The following DPYD variants were observed in gnomAD, a reference collection of about 807,000 sequenced individuals.
The protein encoded by DPYD is dihydropyrimidine dehydrogenase.
DPYD carries 109 observed loss-of-function variants against 116.2 expected under a neutral mutation model. The ratio of observed to expected loss-of-function variants is 0.94; its 90% CI spans 0.80 to 1.10. The LOEUF (loss-of-function observed/expected upper bound fraction) is 1.10, where lower values mean the gene tolerates loss of function less well. Ranked by LOEUF, DPYD falls within the 50% of genes least tolerant of loss-of-function variation. The pLI, the probability that DPYD is intolerant of heterozygous loss-of-function variation, is 0.00. For synonymous variants in DPYD, 440 were observed against 432.0 expected, an observed-to-expected ratio of 1.02 and a Z score of -0.23; for missense variants, 1,302 against 1,254.5, an observed-to-expected ratio of 1.04 and a Z score of -0.57.
At chr1:97,581,148 G>C (rs368252895) in intron 10 of DPYD, among the ~76,000 whole-genome samples, 2 of 149,834 alleles carry the variant, frequency 1.3e-5, no homozygotes, top group Non-Finnish European at 3.0e-5. Flanking sequence ...TATTAAAAAT[G>C]CAACAACAAC....
intron 10 of DPYD, among the ~76,000 whole-genome samples, chr1:97,591,565 G>A (rs1189620698): frequency 6.6e-6 from 1 of 152,168 alleles, no homozygotes; most frequent in African/African-American, 2.4e-5. Context: ...ACCTAAGACA[G>A]AAGAAATAAC....
At chr1:97,114,418 A>G (rs960319172) in intron 20 of DPYD, among the ~76,000 whole-genome samples, 3 of 152,194 alleles carry the variant, frequency 2.0e-5, no homozygotes, top group Admixed American at 6.6e-5. Flanking sequence ...AGAAAATAGC[A>G]TAAGCAATAT....
At chr1:97,720,569 A>G (rs1662866368) in intron 5 of DPYD, 1 of 1,063,424 alleles carries the variant, frequency 9.4e-7, no homozygotes, top group Non-Finnish European at 1.1e-6. Flanking sequence ...CCTGTCAGAA[A>G]GCAGGAAGGG....
chr1:97,717,054 C>G (rs1662656004), intron 5 of DPYD, among the ~76,000 whole-genome samples: 1 of 151,920 alleles, frequency 6.6e-6, no homozygotes, highest in Non-Finnish European at 1.5e-5. Flanking sequence ...TCCAACACTT[C>G]AAGCATTTGT....
chr1:97,533,329 A>T (rs981459615), intron 12 of DPYD, among the ~76,000 whole-genome samples: 2 of 152,186 alleles, frequency 1.3e-5, no homozygotes, highest in African/African-American at 4.8e-5. Context: ...CATACAAACC[A>T]AAGAGTCTGT....
chr1:97,384,510 G>C (rs1570637903), intron 14 of DPYD, among the ~76,000 whole-genome samples: 1 of 152,126 alleles, frequency 6.6e-6, no homozygotes, highest in Non-Finnish European at 1.5e-5. Flanking sequence ...GAGGTCACCA[G>C]AGGTTTAGGA....
chr1:97,825,688 G>A (rs146541718), intron 3 of DPYD, among the ~76,000 whole-genome samples: 71 of 151,490 alleles, frequency 4.7e-4, no homozygotes, highest in Admixed American at 3.2e-3. Context: ...GAGTTAATGG[G>A]TGCAGCACAC....
intron 16 of DPYD, among the ~76,000 whole-genome samples, chr1:97,309,218 C>G (rs964516609): frequency 7.3e-5 from 11 of 151,692 alleles, no homozygotes; most frequent in Non-Finnish European, 1.6e-4. Context: ...TTAAAAATGT[C>G]TAATACACAA....
At chr1:97,785,786 G>A (rs1479704497) in intron 3 of DPYD, among the ~76,000 whole-genome samples, 9 of 143,846 alleles carry the variant, frequency 6.3e-5, no homozygotes, top group East Asian at 2.1e-4. Flanking sequence ...TCCACCTCCC[G>A]GGTTCATGCC....
At chr1:97,508,280 A>G (rs772979546) in intron 13 of DPYD, among the ~76,000 whole-genome samples, 3 of 151,992 alleles carry the variant, frequency 2.0e-5, no homozygotes, top group Non-Finnish European at 4.4e-5. Flanking sequence ...CTGAGAACTG[A>G]TTAAGAAAAA....
chr1:97,906,370 A>G (rs983716818), intron 1 of DPYD, among the ~76,000 whole-genome samples: 1 of 152,090 alleles, frequency 6.6e-6, no homozygotes, highest in East Asian at 1.9e-4. Flanking sequence ...ATCCCCAAGT[A>G]CTTATGACTT....
intron 1 of DPYD, among the ~76,000 whole-genome samples, chr1:97,917,765 T>C (rs1353805771): frequency 6.6e-6 from 1 of 152,198 alleles, no homozygotes; most frequent in African/African-American, 2.4e-5. Context: ...ATTCAAATAG[T>C]TAAAAGCTTG....
At chr1:97,528,418 G>C (rs1649314727) in intron 12 of DPYD, among the ~76,000 whole-genome samples, 1 of 152,042 alleles carries the variant, frequency 6.6e-6, no homozygotes, top group Non-Finnish European at 1.5e-5. Flanking sequence ...AATAAGACTA[G>C]AAAATTAAAT....
At chr1:97,895,251 T>G (rs1234866245) in intron 1 of DPYD, among the ~76,000 whole-genome samples, 1 of 151,704 alleles carries the variant, frequency 6.6e-6, no homozygotes, top group Admixed American at 6.6e-5. Context: ...ATACTCTCAT[T>G]TACAAAAGAC....
At chr1:97,717,177 GTTAA>G (rs1662661371) in intron 5 of DPYD, among the ~76,000 whole-genome samples, 1 of 152,010 alleles carries the variant, frequency 6.6e-6, no homozygotes, top group African/African-American at 2.4e-5. Context: ...TGTAACTGTA[GTTAA>G]TTATTTATTG....
At chr1:97,214,085 C>A (rs1420968243) in intron 19 of DPYD, among the ~76,000 whole-genome samples, 1 of 152,154 alleles carries the variant, frequency 6.6e-6, no homozygotes, top group Non-Finnish European at 1.5e-5. Flanking sequence ...GCAGGGATCA[C>A]TTCTCCATGC....
intron 20 of DPYD, among the ~76,000 whole-genome samples, chr1:97,158,189 T>C (rs1328446522): frequency 2.0e-5 from 3 of 152,024 alleles, no homozygotes; most frequent in African/African-American, 7.2e-5. Flanking sequence ...CCCCAGGGCT[T>C]TTTGTGCTTC....
At chr1:97,290,549 G>T (rs1666071060) in intron 18 of DPYD, among the ~76,000 whole-genome samples, 1 of 152,226 alleles carries the variant, frequency 6.6e-6, no homozygotes, top group African/African-American at 2.4e-5. Context: ...ACAACTATCT[G>T]ATCTTTGAGA....
At chr1:97,904,357 G>T (rs1673504698) in intron 1 of DPYD, among the ~76,000 whole-genome samples, 1 of 151,994 alleles carries the variant, frequency 6.6e-6, no homozygotes, top group East Asian at 1.9e-4. Context: ...CATAATGGAA[G>T]TGTGGGAGAC....
Sources: allele counts gnomAD v4.1 joint callset (sites outside exome capture counted in the v4.1 genomes callset), GRCh38; gene constraint gnomAD v4.1.1; transcripts MANE v1.5; gene names NCBI Gene and HGNC (gene_info 2026-07-23, HGNC 2026-07-21).